The following LRP1B variants were observed in gnomAD, a reference collection of about 807,000 sequenced individuals.
The protein encoded by LRP1B is low-density lipoprotein receptor-related protein 1B.
A neutral mutation model predicts 556.6 loss-of-function variants in LRP1B; 217 were observed. That is an observed-to-expected ratio of 0.39 (90% confidence interval 0.35 to 0.44). LRP1B has a LOEUF of 0.44. Among genes scored for constraint, LRP1B ranks in the 20% least tolerant of loss-of-function variants. The probability of loss-of-function intolerance (pLI) is 1.00; values close to 1 mark genes in which losing one functional copy is unlikely to be tolerated. For missense variants in LRP1B, 5,053 were observed against 5,620.8 expected (o/e 0.90, Z 3.23); for synonymous variants, 2,047 against 1,865.8 (o/e 1.10, Z -2.50).
chr2:141,205,312 G>A (rs906988127), intron 6 of LRP1B, among the ~76,000 whole-genome samples: 1 of 152,130 alleles, frequency 6.6e-6, no homozygotes. Flanking sequence ...AAAAAATTGA[G>A]ATGATTGAAC....
chr2:140,553,868 T>C (rs2105058042), intron 43 of LRP1B, among the ~76,000 whole-genome samples: 1 of 152,116 alleles, frequency 6.6e-6, no homozygotes, highest in African/African-American at 2.4e-5. Flanking sequence ...AGGCAGATCC[T>C]TCAGAGAGGG....
chr2:140,490,885 GTTTC>G (rs1364981268), intron 57 of LRP1B, among the ~76,000 whole-genome samples: 1 of 151,986 alleles, frequency 6.6e-6, no homozygotes, highest in Non-Finnish European at 1.5e-5. Flanking sequence ...CATCCTCACT[GTTTC>G]TTCATTCCCA....
chr2:141,699,492 C>A (rs1691857310), intron 2 of LRP1B, among the ~76,000 whole-genome samples: 1 of 151,600 alleles, frequency 6.6e-6, no homozygotes, highest in Non-Finnish European at 1.5e-5. Context: ...CAATTTTGAG[C>A]CGCTTAATTT....
intron 23 of LRP1B, among the ~76,000 whole-genome samples, chr2:140,888,181 C>A (rs1179446409): frequency 6.6e-6 from 1 of 152,042 alleles, no homozygotes; most frequent in Non-Finnish European, 1.5e-5. Context: ...ATTCCTATAA[C>A]CCTCCTCAGA....
chr2:141,601,289 C>T (rs1687730353), intron 2 of LRP1B, among the ~76,000 whole-genome samples: 1 of 152,074 alleles, frequency 6.6e-6, no homozygotes, highest in African/African-American at 2.4e-5. Context: ...CATGTTTCTA[C>T]AAACTGTGCT....
intron 2 of LRP1B, among the ~76,000 whole-genome samples, chr2:141,517,259 T>TACACACACACACACACACACACATACAC (rs71281835): frequency 2.2e-4 from 31 of 141,482 alleles, no homozygotes; most frequent in African/African-American, 7.0e-4. Flanking sequence ...AGGACAAGAA[T>TACACACACACACACACACACACATACAC]ACGCACACAC....
intron 2 of LRP1B, among the ~76,000 whole-genome samples, chr2:141,555,378 A>G (rs1685924375): frequency 6.6e-6 from 1 of 151,964 alleles, no homozygotes; most frequent in Admixed American, 6.6e-5. Context: ...AACAATTTTT[A>G]AAATCTAACC....
intron 1 of LRP1B, among the ~76,000 whole-genome samples, chr2:141,954,836 C>CTACT (rs1301415682): frequency 6.6e-6 from 1 of 152,062 alleles, no homozygotes; most frequent in African/African-American, 2.4e-5. Context: ...ACTTCCTAAA[C>CTACT]TACTTTATCC....
rs1198114591 is a variant in LRP1B, at chr2:142,115,527, A to ATATATATTATATATATATATAT, written c.82+15120_82+15121insATATATATATATATAATATATA. ...ATATATTATATATTACATATATAATATATATATTACATATGTAATATATAT... is the reference window on the plus strand; with the variant it reads ...ATATATTATATATTACATATATAATATATATATTATATATATATATATTATATATTACATATGTAATATATAT... On this transcript the variant is annotated intron_variant, in intron 1 of 90. Transcript: ENST00000389484. Among the ~76,000 whole-genome samples the ATATATATTATATATATATATAT allele has an allele frequency of 7.3e-5, 4 of 54,952 alleles. 1 individual carries two copies. Among genetic ancestry groups the ATATATATTATATATATATATAT allele is most frequent in the Non-Finnish European group, 1.4e-4 (4 of 27,666 alleles). 36.1% of individuals were successfully genotyped at this position (54,952 alleles called of 152,430 possible).
chr2:141,055,647 C>A (rs16845233), intron 9 of LRP1B, among the ~76,000 whole-genome samples: 5,771 of 151,864 alleles, frequency 0.038, 178 homozygotes, highest in Middle Eastern at 0.12. Context: ...GGTAGTTAAG[C>A]AGAGAAAGGA....
chr2:141,782,249 C>T (rs922908024), intron 2 of LRP1B, among the ~76,000 whole-genome samples: 53 of 152,118 alleles, frequency 3.5e-4, no homozygotes, highest in African/African-American at 1.2e-3. Flanking sequence ...AAGTATATCT[C>T]TTAAAAGTGT....
At position 140,496,953 on chromosome 2, in the gene LRP1B, G is replaced by A. The variant is rs1214922203; in HGVS notation, c.8851-1205C>T. 2.7e-5 allele frequency among the ~76,000 whole-genome samples: 4 copies of A among 150,078 alleles called. No homozygotes were observed. The Middle Eastern group carries it at 0.011, about 396-fold the overall frequency. On this transcript the variant is annotated intron_variant, in intron 55 of 90. Coordinates refer to ENST00000389484, the MANE Select transcript of LRP1B (RefSeq NM_018557.3). ...TATTTATTATCAGATAAAACTGATG[G>A]CAGAGCTTTGAATTTATTGATAAAG...
chr2:142,052,733 T>C (rs925149904), intron 1 of LRP1B, among the ~76,000 whole-genome samples: 4 of 152,076 alleles, frequency 2.6e-5, no homozygotes, highest in African/African-American at 9.7e-5. Flanking sequence ...TTTTCTTCAT[T>C]GTTTTCAAGC....
At chr2:141,437,586 A>G (rs1680809361) in intron 3 of LRP1B, among the ~76,000 whole-genome samples, 1 of 152,148 alleles carries the variant, frequency 6.6e-6, no homozygotes, top group South Asian at 2.1e-4. Context: ...ATTAACTTCC[A>G]ACTACCTTAA....
chr2:141,368,631 C>A (rs1257415126), intron 3 of LRP1B, among the ~76,000 whole-genome samples: 1 of 152,088 alleles, frequency 6.6e-6, no homozygotes, highest in Admixed American at 6.5e-5. Context: ...ATTTGTTTTG[C>A]TGATTTTACG....
intron 2 of LRP1B, among the ~76,000 whole-genome samples, chr2:141,733,521 C>T (rs1693357352): frequency 6.6e-6 from 1 of 152,118 alleles, no homozygotes; most frequent in South Asian, 2.1e-4. Context: ...ATATGCAAAT[C>T]TTGTCATTTT....
At chr2:141,032,798 T>C (rs1698409867) in intron 11 of LRP1B, among the ~76,000 whole-genome samples, 1 of 134,914 alleles carries the variant, frequency 7.4e-6, no homozygotes, top group Non-Finnish European at 1.7e-5. Flanking sequence ...TTAACGCAGG[T>C]ATATGTGTGT....
intron 11 of LRP1B, among the ~76,000 whole-genome samples, chr2:141,029,577 C>G (rs1226831723): frequency 1.3e-5 from 2 of 152,100 alleles, no homozygotes; most frequent in Non-Finnish European, 2.9e-5. Flanking sequence ...GCTGCTTTCT[C>G]AGAAAGTGCT....
intron 8 of LRP1B, among the ~76,000 whole-genome samples, chr2:141,061,216 C>T (rs962359598): frequency 1.9e-4 from 29 of 151,730 alleles, no homozygotes; most frequent in African/African-American, 7.0e-4. Context: ...TAGTGCATCT[C>T]TTTATCTGTC....
Sources: allele counts gnomAD v4.1 joint callset (sites outside exome capture counted in the v4.1 genomes callset), GRCh38; gene constraint gnomAD v4.1.1; transcripts MANE v1.5; gene names NCBI Gene and HGNC (gene_info 2026-07-23, HGNC 2026-07-21).